HMCN1: variants seen among roughly 807,000 people sequenced by gnomAD.
HMCN1 encodes the protein hemicentin 1, also known as hemicentin-1.
HMCN1 carries 321 observed loss-of-function variants against 625.9 expected under a neutral mutation model. The observed-to-expected ratio is 0.51, with a 90% CI of 0.47 to 0.56. HMCN1 has a LOEUF of 0.56. HMCN1 is among the 20% of genes least tolerant of loss of function. HMCN1 has a pLI of 0.00. For synonymous variants in HMCN1, 2,425 were observed against 2,417.6 expected (o/e 1.00, Z -0.09); for missense variants, 6,588 against 6,887.3 (o/e 0.96, Z 1.54).
intron 1 of HMCN1, among the ~76,000 whole-genome samples, chr1:185,753,729 A>G (rs961692391): frequency 1.3e-5 from 2 of 152,226 alleles, no homozygotes; most frequent in Admixed American, 1.3e-4. Flanking sequence ...ATGAGATATC[A>G]ACTTACACCT....
At chr1:185,945,906 G>A (rs751642176) in intron 11 of HMCN1, among the ~76,000 whole-genome samples, 9 of 152,166 alleles carry the variant, frequency 5.9e-5, no homozygotes, top group Non-Finnish European at 1.2e-4. Context: ...TTGTGGTTTT[G>A]TGGAATTGGT....
chr1:186,077,719 C>T (rs1369857388), intron 54 of HMCN1, among the ~76,000 whole-genome samples: 3 of 152,078 alleles, frequency 2.0e-5, no homozygotes, highest in Non-Finnish European at 4.4e-5. Context: ...ACTTTTACAA[C>T]CTTGGATATT....
At chr1:186,132,136 CCCTCCTCTTTCTCTTCCT>C (rs1319270161) in intron 85 of HMCN1, among the ~76,000 whole-genome samples, 174 bp from the exon 86 acceptor site, 4 of 151,904 alleles carry the variant, frequency 2.6e-5, no homozygotes, top group African/African-American at 4.8e-5. Context: ...TCTCCCTTCC[CCCTCCTCTTTCTCTTCCT>C]CCTCCTCCCT....
chr1:186,000,114 C>G lies in HMCN1; in HGVS notation c.3944C>G (p.Ser1315Cys). 1 of 1,613,218 alleles carries G rather than the reference C, an allele frequency of 6.2e-7. No homozygotes were observed. Among genetic ancestry groups the G allele is most frequent in the East Asian group, 2.2e-5 (1 of 44,834 alleles). The change falls in exon 26 of 107, where the codon TCT becomes TGT. Residue 1315 changes from serine to cysteine, a missense_variant. Ser to Cys is a moderately radical substitution (Grantham distance 112). Transcript: ENST00000271588. The part of the protein sequence containing the change: ...RELTGREPGI[S>C]ILEDGTLLVI... ...TTGACAGGCAGAGAGCCTGGCATTT[C>G]TATCTTGGAAGATGGCACATTGCTG...
At chr1:186,079,199 C>G (rs1033894413) in intron 55 of HMCN1, among the ~76,000 whole-genome samples, 2 of 152,186 alleles carry the variant, frequency 1.3e-5, no homozygotes, top group Non-Finnish European at 2.9e-5. Context: ...GCTTTTTGCT[C>G]TGCCTCTGTG....
chr1:185,773,234 C>T (rs759326622), intron 1 of HMCN1, among the ~76,000 whole-genome samples: 1 of 152,200 alleles, frequency 6.6e-6, no homozygotes, highest in Non-Finnish European at 1.5e-5. Flanking sequence ...ATGTAGATGC[C>T]AGGCATACTG....
At chr1:185,970,200 T>A in intron 14 of HMCN1, 135 bp from the exon 15 acceptor site, 2 of 804,648 alleles carry the variant, frequency 2.5e-6, no homozygotes, top group Non-Finnish European at 4.4e-6. Flanking sequence ...GTAGAAAGTG[T>A]CTATGTTGTG....
rs1176140283 is a variant in HMCN1 at position 185,973,884 on chromosome 1, G to A, written c.2371+3391G>A. Among the ~76,000 whole-genome samples the A allele has an allele frequency of 2.0e-5, 3 of 152,120 alleles. No homozygotes were observed. In the East Asian group the frequency reaches 5.8e-4, roughly 29 times the overall value. ...CTTAGACTGTGGTTTCATGCTTTGC[G>A]GTTTGGTGGAACCAAAACAATGTGT... On this transcript the variant is annotated intron_variant, in intron 15 of 106. Coordinates refer to ENST00000271588, the MANE Select transcript of HMCN1 (RefSeq NM_031935.3).
intron 4 of HMCN1, among the ~76,000 whole-genome samples, chr1:185,903,856 A>G (rs896782081): frequency 2.6e-5 from 4 of 151,816 alleles, no homozygotes; most frequent in African/African-American, 7.2e-5. Flanking sequence ...AGTCTAGAAC[A>G]CTTGTGTTGG....
chr1:186,144,838 C>CT, intron 91 of HMCN1, 135 bp downstream of exon 91: 4 of 1,017,350 alleles, frequency 3.9e-6, no homozygotes, highest in Non-Finnish European at 6.0e-6. Flanking sequence ...TGTAAGGTTG[C>CT]TGTCATGTCT....
chr1:185,876,451 G>C (rs781341541), intron 4 of HMCN1, among the ~76,000 whole-genome samples: 24 of 151,958 alleles, frequency 1.6e-4, no homozygotes, highest in Admixed American at 3.3e-4. Context: ...TGGGTCAAAT[G>C]GTAGTACTGT....
chr1:185,792,646 A>T (rs944490549), intron 1 of HMCN1, among the ~76,000 whole-genome samples: 3 of 152,324 alleles, frequency 2.0e-5, no homozygotes, highest in Admixed American at 6.5e-5. Flanking sequence ...TTAAAGCTCT[A>T]AAAGTGATTA....
At chr1:186,092,259 T>TG in intron 64 of HMCN1, among the ~76,000 whole-genome samples, 1 of 151,944 alleles carries the variant, frequency 6.6e-6, no homozygotes, top group Non-Finnish European at 1.5e-5. Context: ...CCAAAGTCAA[T>TG]GTACTACCTT....
At position 185,899,465 on chromosome 1, in the gene HMCN1, C is replaced by T. The variant is rs897622857; in HGVS notation, c.622-9872C>T. On this transcript the variant is annotated intron_variant, in intron 4 of 106. Transcript: ENST00000271588. ...ATTTTGTGAAATTTGCAGTATTTGTCGACTTTTAACAATTTGAAATTTATG... is the reference window on the plus strand; with the variant it reads ...ATTTTGTGAAATTTGCAGTATTTGTTGACTTTTAACAATTTGAAATTTATG... Among the ~76,000 whole-genome samples, 11 of 152,096 alleles carry T rather than the reference C, an allele frequency of 7.2e-5. No homozygotes were observed. The South Asian group carries it at 8.3e-4, about 11-fold the overall frequency.
chr1:186,174,337 A>C (rs1289060980), intron 102 of HMCN1, among the ~76,000 whole-genome samples, 177 bp from the exon 103 acceptor site: 1 of 150,580 alleles, frequency 6.6e-6, no homozygotes, highest in East Asian at 1.9e-4. Flanking sequence ...CCATTTAATA[A>C]GTGGCAGAGC....
In HMCN1 at chr1:186,122,845, G is replaced by C. The variant is rs536361302; in HGVS notation, c.12230-106G>C. 3 of 1,201,640 alleles carry C rather than the reference G, an allele frequency of 2.5e-6. No homozygotes were observed. In the Admixed American group the frequency reaches 5.5e-5, roughly 22 times the overall value. 74.4% of individuals were successfully genotyped at this position (1,201,640 alleles called of 1,614,324 possible). ...TTTTCTAATGATATGGTGAAGTCAG[G>C]ATTTTGTTTCTTATCAATGTTTGCT... On this transcript the variant is annotated intron_variant, in intron 80 of 106. Transcript: ENST00000271588.
intron 102 of HMCN1, among the ~76,000 whole-genome samples, chr1:186,172,520 G>A (rs1270614109): frequency 1.3e-5 from 2 of 152,084 alleles, no homozygotes; most frequent in Non-Finnish European, 2.9e-5. Flanking sequence ...TTTTGGAGAT[G>A]TATATTCCTT....
intron 15 of HMCN1, among the ~76,000 whole-genome samples, chr1:185,975,361 G>A (rs1401416162): frequency 6.6e-6 from 1 of 152,104 alleles, no homozygotes; most frequent in Non-Finnish European, 1.5e-5. Flanking sequence ...TTATAATCAT[G>A]GCAGAAGGCA....
chr1:186,181,156 G>T (rs1438370422), intron 104 of HMCN1, among the ~76,000 whole-genome samples: 1 of 151,962 alleles, frequency 6.6e-6, no homozygotes, highest in African/African-American at 2.4e-5. Context: ...TGTTATTTTA[G>T]GTTAAAGCTG....
Sources: allele counts gnomAD v4.1 joint callset (sites outside exome capture counted in the v4.1 genomes callset), GRCh38; gene constraint gnomAD v4.1.1; transcripts MANE v1.5; gene names NCBI Gene and HGNC (gene_info 2026-07-23, HGNC 2026-07-21).